DCAF6: variants seen among roughly 807,000 people sequenced by gnomAD.
DCAF6 encodes the protein DDB1 and CUL4 associated factor 6, also known as DDB1- and CUL4-associated factor 6.
A neutral mutation model predicts 125.1 loss-of-function variants in DCAF6; 54 were observed. The observed-to-expected ratio is 0.43, with a 90% CI of 0.35 to 0.54. The LOEUF (loss-of-function observed/expected upper bound fraction) is 0.54. Ranked by LOEUF, DCAF6 falls within the 20% of genes least tolerant of loss-of-function variation. DCAF6 has a pLI of 0.01. For missense variants in DCAF6, 934 were observed against 1,161.7 expected (o/e 0.80, Z 2.85); for synonymous variants, 371 against 390.4 (o/e 0.95, Z 0.58).
At chr1:167,868,406 C>T in the DCAF6 span, among the ~76,000 whole-genome samples, 6 of 152,136 alleles carry the variant, frequency 3.9e-5, no homozygotes, top group Non-Finnish European at 8.8e-5. Flanking sequence ...TTCACTCATC[C>T]TGTAGGATGA....
Position 168,004,516 on chromosome 1 carries a change from T to G in DCAF6, c.1118-17T>G. 6.2e-7 allele frequency: 1 copy of G among 1,610,764 alleles called. No homozygotes were observed. The highest frequency in any genetic ancestry group is 2.2e-5 in the East Asian group (1 of 44,832). ...AAATATTTAAAATTTGAATTTGCCT[T>G]AACATGTGTTTTGAAGGTGGAACAA... On this transcript the variant is annotated splice_polypyrimidine_tract_variant and intron_variant, in intron 9 of 21. Transcript: ENST00000367840.
chr1:168,027,505 T>C (rs1686492642), intron 12 of DCAF6, among the ~76,000 whole-genome samples: 2 of 152,192 alleles, frequency 1.3e-5, no homozygotes, highest in Non-Finnish European at 2.9e-5. Flanking sequence ...TTCAGCATAT[T>C]TTAAATTTGT....
rs568610046 is a variant in DCAF6 at position 168,003,240 on chromosome 1, C to T, written c.998-630C>T. Among the ~76,000 whole-genome samples the T allele has an allele frequency of 6.6e-5, 10 of 152,100 alleles. No individual in the cohort carries two copies. The Middle Eastern group carries it at 0.01, about 155-fold the overall frequency. ...CCGATTTTCATTTTAAATTATAAGA[C>T]TATAGAATAGAGTTGTCACATTTTG... On this transcript the variant is annotated intron_variant, in intron 8 of 21. Transcript: ENST00000367840.
chr1:167,948,691 G>A (rs1218719490), intron 1 of DCAF6, among the ~76,000 whole-genome samples: 1 of 152,068 alleles, frequency 6.6e-6, no homozygotes, highest in African/African-American at 2.4e-5. Context: ...TCACTCTGTT[G>A]CCCAGGCTGG....
Position 168,065,647 on chromosome 1 carries a change from C to T in DCAF6, c.2497C>T (p.His833Tyr). The T allele has an allele frequency of 6.2e-7, 1 of 1,612,882 alleles. No individual in the cohort carries two copies. Among genetic ancestry groups the T allele is most frequent in the African/African-American group, 1.3e-5 (1 of 74,896 alleles). ...TGTAATGAGTGGTTCTGACTGTGGC[C>T]ACATTTTCATCTGGGATCGGCACAC... is the stretch of plus-strand genomic sequence containing the variant. ...NFVMSGSDCG[H>Y]IFIWDRHTAE... Residue 833 changes from histidine to tyrosine, a missense_variant, in exon 19 of 22, where the codon CAC becomes TAC. Physicochemically the swap from His to Tyr is moderately conservative, Grantham distance 83. Coordinates refer to ENST00000367840, the MANE Select transcript of DCAF6 (RefSeq NM_001198956.2).
the DCAF6 span, chr1:167,870,384 T>A: frequency 1.3e-5 from 21 of 1,611,242 alleles, no homozygotes; most frequent in Non-Finnish European, 1.8e-5. Flanking sequence ...ATAGTATACA[T>A]GAAGTAGTTG....
rs1215524278 is a variant in DCAF6 at position 168,072,476 on chromosome 1, T to C, written c.2792-2895T>C. Among the ~76,000 whole-genome samples the C allele has an allele frequency of 2.6e-5, 4 of 152,136 alleles. No homozygotes were observed. The East Asian group carries it at 5.8e-4, about 22-fold the overall frequency. On this transcript the variant is annotated intron_variant, in intron 21 of 21. Transcript: ENST00000367840. ...TTTAATTTCTTTATTTATTGTCTTA[T>C]TACAGATTAGAGGAGAAAAATACAG...
At chr1:167,981,884 A>G (rs1283838428) in intron 4 of DCAF6, among the ~76,000 whole-genome samples, 7 of 152,176 alleles carry the variant, frequency 4.6e-5, no homozygotes, top group African/African-American at 1.4e-4. Context: ...TTTCTTTTGG[A>G]TATATACCCA....
At chr1:167,895,436 A>G in the DCAF6 span, among the ~76,000 whole-genome samples, 16 of 152,084 alleles carry the variant, frequency 1.1e-4, no homozygotes, top group African/African-American at 3.6e-4. Context: ...ACAGTCTTCT[A>G]TTTGTAACAT....
intron 11 of DCAF6, among the ~76,000 whole-genome samples, chr1:168,022,170 A>T (rs1685749604): frequency 6.6e-6 from 1 of 152,180 alleles, no homozygotes; most frequent in South Asian, 2.1e-4. Context: ...ACTTCTGATG[A>T]GTGCTCTTTC....
intron 17 of DCAF6, among the ~76,000 whole-genome samples, chr1:168,062,782 A>G (rs1321568465): frequency 6.6e-6 from 1 of 152,076 alleles, no homozygotes. Context: ...TTGTTCTTCA[A>G]TCCCAGTTCT....
the DCAF6 span, chr1:167,883,292 C>T: frequency 1.2e-6 from 1 of 851,770 alleles, no homozygotes; most frequent in Non-Finnish European, 1.9e-6. Flanking sequence ...CCCACCTCTG[C>T]CTCCCAAAGA....
intron 17 of DCAF6, chr1:168,055,897 A>C (rs1259217099): frequency 6.6e-7 from 1 of 1,513,382 alleles, no homozygotes. Flanking sequence ...TAGGAGTTCC[A>C]TTTTCACTCC....
At chr1:168,057,403 A>G (rs917087131) in intron 17 of DCAF6, among the ~76,000 whole-genome samples, 1 of 152,210 alleles carries the variant, frequency 6.6e-6, no homozygotes, top group African/African-American at 2.4e-5. Flanking sequence ...GGAATATGCA[A>G]TAGTAAAATA....
chr1:168,010,479 AT>A (rs552539088), intron 10 of DCAF6, among the ~76,000 whole-genome samples: 97 of 146,256 alleles, frequency 6.6e-4, no homozygotes, highest in South Asian at 8.6e-4. Flanking sequence ...CAGTTGATGG[AT>A]TTTTTTTTTT....
At chr1:167,920,064 C>T in the DCAF6 span, 1 of 1,613,092 alleles carries the variant, frequency 6.2e-7, no homozygotes, top group Non-Finnish European at 8.5e-7. Flanking sequence ...GGAATAATTA[C>T]AAGTGAGTAT....
At chr1:167,990,665 A>G (rs1435681038) in intron 5 of DCAF6, among the ~76,000 whole-genome samples, 1 of 152,184 alleles carries the variant, frequency 6.6e-6, no homozygotes, top group Admixed American at 6.5e-5. Flanking sequence ...TTTAATTGTC[A>G]CATAAATATG....
the DCAF6 span, among the ~76,000 whole-genome samples, chr1:167,871,215 A>C: frequency 1.3e-5 from 2 of 152,198 alleles, no homozygotes; most frequent in East Asian, 3.8e-4. Context: ...TCTGTGATAA[A>C]GGAAATTTGC....
chr1:167,958,871 A>G (rs1385125826), intron 2 of DCAF6, among the ~76,000 whole-genome samples: 2 of 152,220 alleles, frequency 1.3e-5, no homozygotes, highest in African/African-American at 2.4e-5. Context: ...TCATGAGCCT[A>G]CATTAATACA....
Sources: gnomAD v4.1 joint callset for allele counts (sites outside exome capture counted in the v4.1 genomes callset) on GRCh38, gnomAD v4.1.1 for gene constraint, MANE v1.5 for transcripts, NCBI Gene and HGNC (gene_info 2026-07-23, HGNC 2026-07-21) for gene names.